Variants in TMEM17 observed in about 807,000 individuals in gnomAD.
TMEM17 encodes the protein transmembrane protein 17.
In TMEM17, 15 loss-of-function variants were observed where a neutral mutation model predicts 19.1. The observed-to-expected ratio is 0.78, with a 90% confidence interval of 0.52 to 1.21. TMEM17 has a LOEUF of 1.21. Ranked by LOEUF, TMEM17 falls within the 50% of genes most tolerant of loss-of-function variation. The pLI, the probability that TMEM17 is intolerant of heterozygous loss-of-function variation, is 0.00. For missense variants in TMEM17, 245 were observed against 242.3 expected (o/e 1.01, Z -0.07); for synonymous variants, 103 against 86.9 (o/e 1.19, Z -1.03).
At chr2:62,499,084 CT>C, downstream of TMEM17, among the ~76,000 whole-genome samples, 1 of 152,226 alleles carries the variant, frequency 6.6e-6, no homozygotes, top group Middle Eastern at 3.4e-3. Flanking sequence ...AATTTACTAT[CT>C]TTTTTCCCCC....
chr2:62,476,719 T>A, the TMEM17 span, among the ~76,000 whole-genome samples: 1 of 152,198 alleles, frequency 6.6e-6, no homozygotes, highest in Non-Finnish European at 1.5e-5. Flanking sequence ...GTGAGATGGT[T>A]TGGGGCCTGG....
the TMEM17 span, among the ~76,000 whole-genome samples, chr2:62,456,371 T>C: frequency 6.6e-6 from 1 of 152,262 alleles, no homozygotes; most frequent in South Asian, 2.1e-4. Context: ...CTTACCCATC[T>C]TCAAAGCCAG....
chr2:62,480,262 A>C, the TMEM17 span, among the ~76,000 whole-genome samples: 438 of 152,186 alleles, frequency 2.9e-3, 2 homozygotes, highest in African/African-American at 0.01. Flanking sequence ...TTAATGAAAA[A>C]AAATTTTTTT....
At chr2:62,491,925 C>CAA in the TMEM17 span, among the ~76,000 whole-genome samples, 13 of 108,370 alleles carry the variant, frequency 1.2e-4, no homozygotes, top group African/African-American at 2.0e-4. Flanking sequence ...GGCAAAAAAC[C>CAA]AAAAAAAAAA....
chr2:62,483,098 C>T, the TMEM17 span, among the ~76,000 whole-genome samples: 1 of 152,186 alleles, frequency 6.6e-6, no homozygotes, highest in African/African-American at 2.4e-5. Context: ...CCCAAGGTTA[C>T]CCAGCTAGTT....
the TMEM17 span, among the ~76,000 whole-genome samples, chr2:62,487,572 A>T: frequency 6.6e-6 from 1 of 152,134 alleles, no homozygotes; most frequent in Non-Finnish European, 1.5e-5. Flanking sequence ...ACCTCATTTG[A>T]CCCTAAAAAT....
At chr2:62,486,521 CCT>C in the TMEM17 span, among the ~76,000 whole-genome samples, 1 of 152,238 alleles carries the variant, frequency 6.6e-6, no homozygotes, top group Admixed American at 6.5e-5. Flanking sequence ...GTTACTTTTC[CCT>C]GTTTGTGAAT....
intron 1 of TMEM17, 109 bp downstream of exon 1, chr2:62,505,921 G>A (rs1680058281): frequency 6.5e-6 from 7 of 1,079,610 alleles, no homozygotes; most frequent in Non-Finnish European, 9.6e-6. Flanking sequence ...GCGGAGAACT[G>A]GCTGAAGGCG....
At chr2:62,462,879 C>T in the TMEM17 span, among the ~76,000 whole-genome samples, 2 of 152,298 alleles carry the variant, frequency 1.3e-5, no homozygotes, top group South Asian at 2.1e-4. Flanking sequence ...CTGGTATCTG[C>T]CCTCCTGAGC....
At chr2:62,475,621 CGT>C in the TMEM17 span, among the ~76,000 whole-genome samples, 3 of 152,340 alleles carry the variant, frequency 2.0e-5, no homozygotes, top group Admixed American at 6.5e-5. Flanking sequence ...CCAGAGCTCA[CGT>C]TTCCTTTCTC....
chr2:62,486,932 G>A, the TMEM17 span, among the ~76,000 whole-genome samples: 1 of 152,078 alleles, frequency 6.6e-6, no homozygotes, highest in Non-Finnish European at 1.5e-5. Context: ...GGCAGACACT[G>A]GGGGGTAAAG....
the TMEM17 span, among the ~76,000 whole-genome samples, chr2:62,479,456 T>G: frequency 1.3e-5 from 2 of 152,232 alleles, no homozygotes; most frequent in Non-Finnish European, 2.9e-5. Context: ...TACCACATTT[T>G]CTTTACCCAT....
At position 62,506,153 on chromosome 2, in the gene TMEM17, C is replaced by T. The variant is rs1349344268; in HGVS notation, c.-24G>A. ...ATGCCTGGGCCTCAGTATCCCTCAC[C>T]CCCTCAGACACGGGCTAGTCTGCGG... is the stretch of plus-strand genomic sequence containing the variant. On this transcript the variant is annotated 5_prime_UTR_variant, in exon 1 of 4. Transcript: ENST00000335390. 1.9e-6 allele frequency: 3 copies of T among 1,585,226 alleles called. No individual in the cohort carries two copies. Among genetic ancestry groups the T allele is most frequent in the South Asian group, 2.3e-5 (2 of 87,142 alleles).
the TMEM17 span, among the ~76,000 whole-genome samples, chr2:62,493,632 T>G: frequency 1.3e-5 from 2 of 152,192 alleles, no homozygotes; most frequent in Non-Finnish European, 2.9e-5. Context: ...ATGTGTAAAA[T>G]GTATTTGGAT....
the TMEM17 span, among the ~76,000 whole-genome samples, chr2:62,461,933 G>A: frequency 6.6e-6 from 1 of 152,216 alleles, no homozygotes; most frequent in African/African-American, 2.4e-5. Context: ...TCCTCTGACT[G>A]TGCAGACCAA....
the TMEM17 span, among the ~76,000 whole-genome samples, chr2:62,481,697 A>AGG: frequency 2.8e-5 from 2 of 71,314 alleles, no homozygotes; most frequent in African/African-American, 5.3e-5. Flanking sequence ...AACCCCTTAA[A>AGG]GGTGTGTGTG....
the TMEM17 span, among the ~76,000 whole-genome samples, chr2:62,463,633 G>A: frequency 6.6e-6 from 1 of 152,290 alleles, no homozygotes; most frequent in East Asian, 1.9e-4. Context: ...TCAGCATGAG[G>A]TACCTGCTAG....
intron 2 of TMEM17, 31 bp downstream of exon 2, chr2:62,502,660 G>C: frequency 6.5e-7 from 1 of 1,536,040 alleles, no homozygotes; most frequent in Non-Finnish European, 8.8e-7. Context: ...AACAACGTCA[G>C]GGCAGCAAAA....
At chr2:62,473,732 G>A in the TMEM17 span, among the ~76,000 whole-genome samples, 69 of 152,326 alleles carry the variant, frequency 4.5e-4, no homozygotes, top group East Asian at 6.0e-3. Context: ...ACTGGGGCTG[G>A]TAGGCAGAGA....
Sources: allele counts gnomAD v4.1 joint callset (sites outside exome capture counted in the v4.1 genomes callset), GRCh38; gene constraint gnomAD v4.1.1; transcripts MANE v1.5; gene names NCBI Gene and HGNC (gene_info 2026-07-23, HGNC 2026-07-21).